Variants in ASNS observed in about 807,000 individuals in gnomAD.
The protein encoded by ASNS is asparagine synthetase (glutamine-hydrolyzing).
In ASNS, 37 loss-of-function variants were observed where a neutral mutation model predicts 62.6. The ratio of observed to expected loss-of-function variants is 0.59; its 90% CI spans 0.45 to 0.78. The LOEUF (loss-of-function observed/expected upper bound fraction) is 0.78, where lower values mean the gene tolerates loss of function less well. Ranked by LOEUF, ASNS falls within the 30% of genes least tolerant of loss-of-function variation. The pLI is 0.00. For missense variants in ASNS, 520 were observed against 682.4 expected, an observed-to-expected ratio of 0.76 and a Z score of 2.65; for synonymous variants, 207 against 237.9, an observed-to-expected ratio of 0.87 and a Z score of 1.19.
At chr7:97,852,601 CT>C in intron 12 of ASNS, 133 bp from the exon 13 acceptor site, 1 of 868,512 alleles carries the variant, frequency 1.2e-6, no homozygotes, top group Non-Finnish European at 1.8e-6. Context: ...TCACCCATCA[CT>C]TAGAAAATGC....
chr7:97,878,693 A>G, the ASNS span, among the ~76,000 whole-genome samples: 10 of 152,236 alleles, frequency 6.6e-5, no homozygotes, highest in African/African-American at 2.4e-4. Flanking sequence ...AGGAAGAATC[A>G]ATATTGTGAA....
chr7:97,889,693 C>T, the ASNS span, among the ~76,000 whole-genome samples: 1 of 151,400 alleles, frequency 6.6e-6, no homozygotes, highest in African/African-American at 2.4e-5. Flanking sequence ...AAGGTCTTTC[C>T]CATATAAAAG....
the ASNS span, among the ~76,000 whole-genome samples, chr7:97,918,292 A>G: frequency 6.6e-6 from 1 of 152,164 alleles, no homozygotes; most frequent in Admixed American, 6.5e-5. Flanking sequence ...GATGCAAATT[A>G]AGCACAGATC....
chr7:97,858,378 G>C lies in ASNS; in HGVS notation c.803C>G (p.Ala268Gly). 6.2e-7 allele frequency: 1 copy of C among 1,614,156 alleles called. No individual in the cohort carries two copies. ...TTCTTTCAGCTGCTTCAACAGAGTG[G>C]CAGCAACCAAGCTGGAGTCCAAGCC... ...SGGLDSSLVA[A>G]TLLKQLKEAQ... Residue 268 changes from alanine (A) to glycine (G), a missense_variant, in exon 7 of 13, where the codon GCC (alanine) becomes GGC (glycine). Transcript: ENST00000394308.
At chr7:97,918,465 G>A in the ASNS span, among the ~76,000 whole-genome samples, 8 of 152,304 alleles carry the variant, frequency 5.3e-5, no homozygotes, top group East Asian at 1.9e-4. Flanking sequence ...TAAACGAAGC[G>A]TGGTGCATCC....
At chr7:97,883,744 T>G in the ASNS span, among the ~76,000 whole-genome samples, 2 of 152,074 alleles carry the variant, frequency 1.3e-5, no homozygotes, top group African/African-American at 4.8e-5. Context: ...TCCCAGCACT[T>G]TGGGAGGCCG....
intron 3 of ASNS, 101 bp downstream of exon 3, chr7:97,868,807 C>T (rs1335962129): frequency 6.6e-7 from 1 of 1,520,784 alleles, no homozygotes. Context: ...ACATAGAGTG[C>T]TTTGCAAAGG....
At chr7:97,928,203 T>C in the ASNS span, 217 of 1,528,732 alleles carry the variant, frequency 1.4e-4, no homozygotes, top group African/African-American at 2.3e-3. Context: ...CCGCAGCCTC[T>C]TCTCTTCGGG....
At chr7:97,913,220 A>C in the ASNS span, 2 of 152,256 alleles carry the variant, frequency 1.3e-5, no homozygotes, top group African/African-American at 2.4e-5. Flanking sequence ...GGAGACAGAA[A>C]GACTGGATCA....
chr7:97,852,475 G>A lies in ASNS; in HGVS notation c.1477-7C>T. 1 of 1,613,868 alleles carries A rather than the reference G, an allele frequency of 6.2e-7. No homozygotes were observed. ...CCATCATTGCATCATCAACCTGTAA[G>A]AATAAGCATATAAGAGCAAAATGGC... On this transcript the variant is annotated splice_region_variant and splice_polypyrimidine_tract_variant and intron_variant, in intron 12 of 12. Transcript: ENST00000394308.
At chr7:97,891,562 G>A in the ASNS span, among the ~76,000 whole-genome samples, 303 of 152,320 alleles carry the variant, frequency 2.0e-3, 1 homozygote, top group Middle Eastern at 0.01. Flanking sequence ...AAACAAGTTA[G>A]TTACTTCCTA....
chr7:97,927,606 AGGAGGTAGAG>A, the ASNS span, among the ~76,000 whole-genome samples: 1 of 147,304 alleles, frequency 6.8e-6, no homozygotes, highest in East Asian at 2.0e-4. Context: ...ACGTAAAAGA[AGGAGGTAGAG>A]GGAGTGAGAG....
At chr7:97,861,046 G>A (rs919315164) in intron 4 of ASNS, among the ~76,000 whole-genome samples, 3 of 113,760 alleles carry the variant, frequency 2.6e-5, no homozygotes, top group African/African-American at 1.1e-4. Context: ...TTTTTGAGAT[G>A]AGTCTCGCTC....
the ASNS span, among the ~76,000 whole-genome samples, chr7:97,893,324 C>CA: frequency 6.6e-6 from 1 of 152,252 alleles, no homozygotes; most frequent in Non-Finnish European, 1.5e-5. Context: ...CAAACCATAT[C>CA]AAAAGGATAT....
chr7:97,859,062 A>G (rs1452434273), intron 5 of ASNS, 107 bp from the exon 6 acceptor site: 7 of 1,381,610 alleles, frequency 5.1e-6, no homozygotes, highest in South Asian at 4.0e-5. Flanking sequence ...TATTTACTCA[A>G]TGGTGGAGTG....
chr7:97,877,314 C>T (rs1245668208), upstream of ASNS, among the ~76,000 whole-genome samples: 4 of 151,986 alleles, frequency 2.6e-5, no homozygotes, highest in African/African-American at 4.8e-5. Flanking sequence ...AGGATGGTCT[C>T]GATCTCCTGA....
chr7:97,903,992 G>A, the ASNS span, among the ~76,000 whole-genome samples: 3 of 152,074 alleles, frequency 2.0e-5, no homozygotes, highest in African/African-American at 7.2e-5. Context: ...ATTGAGTTAG[G>A]GTGGTTCATG....
At chr7:97,875,288 T>G (rs868729834), upstream of ASNS, among the ~76,000 whole-genome samples, 7 of 152,304 alleles carry the variant, frequency 4.6e-5, no homozygotes, top group Admixed American at 1.3e-4. Context: ...TACAGGCCCA[T>G]GCCACCACTG....
chr7:97,928,398 C>T, the ASNS span: 5 of 634,150 alleles, frequency 7.9e-6, no homozygotes, highest in Non-Finnish European at 1.3e-5. Flanking sequence ...GGAGGGTCCG[C>T]GCGGCGCGGA....
Sources: allele counts gnomAD v4.1 joint callset (sites outside exome capture counted in the v4.1 genomes callset), GRCh38; gene constraint gnomAD v4.1.1; transcripts MANE v1.5; gene names NCBI Gene and HGNC (gene_info 2026-07-23, HGNC 2026-07-21).